Variants in ZBED4 observed in about 807,000 individuals in gnomAD.
ZBED4 encodes the protein zinc finger BED-type containing 4.
A neutral mutation model predicts 15.5 loss-of-function variants in ZBED4; 4 were observed. The observed-to-expected ratio is 0.26, with a 90% confidence interval of 0.13 to 0.59. The LOEUF (loss-of-function observed/expected upper bound fraction) is 0.59, where lower values mean the gene tolerates loss of function less well. ZBED4 is among the 20% of genes least tolerant of loss of function. ZBED4 has a pLI of 0.90. For missense variants in ZBED4, 1,323 were observed against 1,461.8 expected, an observed-to-expected ratio of 0.91 and a Z score of 1.55; for synonymous variants, 692 against 608.5, an observed-to-expected ratio of 1.14 and a Z score of -2.02.
rs771791921 is a variant in ZBED4 at position 49,886,615 on chromosome 22, C to T, written c.2953C>T (p.Leu985=). 2 of 1,577,226 alleles carry T rather than the reference C, an allele frequency of 1.3e-6. No individual in the cohort carries two copies. Among genetic ancestry groups the T allele is most frequent in the Non-Finnish European group, 1.7e-6 (2 of 1,162,402 alleles). ...TMGIDTMLRS[L]KEAMVSRLSA... The stretch of plus-strand genomic sequence containing the variant: ...GGGCATCGACACCATGCTGCGCTCT[C>T]TGAAGGAGGCCATGGTGAGCCGCCT... Residue 985 remains leucine (L), a synonymous_variant, in exon 2 of 2, where the codon CTG becomes TTG. Transcript: ENST00000216268. This position sits in a 1 kb window ranked among gnomAD's most constrained non-coding sequence, Gnocchi z 7.7.
chr22:49,868,953 A>G (rs1418311090), intron 1 of ZBED4, among the ~76,000 whole-genome samples: 1 of 61,984 alleles, frequency 1.6e-5, no homozygotes, highest in Non-Finnish European at 3.1e-5. Flanking sequence ...CTCTACTAAA[A>G]ATACAAAAAA....
intron 1 of ZBED4, among the ~76,000 whole-genome samples, chr22:49,881,303 C>G (rs974644552): frequency 6.6e-6 from 1 of 152,244 alleles, no homozygotes; most frequent in Non-Finnish European, 1.5e-5. Flanking sequence ...GAACTGAGAT[C>G]GTGCCGCTGC....
At chr22:49,879,961 T>C (rs914864837) in intron 1 of ZBED4, among the ~76,000 whole-genome samples, 1 of 149,918 alleles carries the variant, frequency 6.7e-6, no homozygotes, top group African/African-American at 2.4e-5. Flanking sequence ...GTTTTTCTCC[T>C]GGTCAGAGGT....
At chr22:49,867,357 G>A (rs1164040889) in intron 1 of ZBED4, among the ~76,000 whole-genome samples, 1 of 152,218 alleles carries the variant, frequency 6.6e-6, no homozygotes, top group African/African-American at 2.4e-5. Flanking sequence ...GAAGAAGCGT[G>A]TGCCAGGCGG....
chr22:49,878,842 A>T (rs1390649183), intron 1 of ZBED4, among the ~76,000 whole-genome samples: 1 of 151,774 alleles, frequency 6.6e-6, no homozygotes, highest in African/African-American at 2.4e-5. Context: ...TACTAAAAAT[A>T]AAAAAAATGA....
chr22:49,872,844 C>T (rs9616764), intron 1 of ZBED4, among the ~76,000 whole-genome samples: 6,172 of 151,926 alleles, frequency 0.041, 181 homozygotes, highest in Non-Finnish European at 0.062. Flanking sequence ...TAGCTGGGAC[C>T]GCAGGCACCT....
chr22:49,876,501 C>T lies in ZBED4; in HGVS notation c.-329-6833C>T, dbSNP rs937768137. On this transcript the variant is annotated intron_variant, in intron 1 of 1. Transcript: ENST00000216268. ...GAATGCGCTCTGGATGAATTGACCCCCTTATAATTTTGTGATGTTGTTTGT... is the reference window on the plus strand; with the variant it reads ...GAATGCGCTCTGGATGAATTGACCCTCTTATAATTTTGTGATGTTGTTTGT... Among the ~76,000 whole-genome samples, 24 of 152,124 alleles carry T rather than the reference C, an allele frequency of 1.6e-4. 2 individuals are homozygous for T. In the South Asian group the frequency reaches 1.7e-3, roughly 11 times the overall value.
chr22:49,873,410 G>C (rs2060358356), intron 1 of ZBED4, among the ~76,000 whole-genome samples: 1 of 152,212 alleles, frequency 6.6e-6, no homozygotes, highest in African/African-American at 2.4e-5. Context: ...ACATTTATCA[G>C]TTAAGTTCAC....
intron 1 of ZBED4, among the ~76,000 whole-genome samples, chr22:49,879,170 A>G (rs1451941599): frequency 2.7e-5 from 4 of 149,888 alleles, no homozygotes; most frequent in African/African-American, 4.9e-5. Flanking sequence ...ACAAAAAAAA[A>G]CAGGAGTGAA....
intron 1 of ZBED4, among the ~76,000 whole-genome samples, chr22:49,863,646 T>G (rs1427155368): frequency 6.7e-6 from 1 of 150,222 alleles, no homozygotes; most frequent in Non-Finnish European, 1.5e-5. Flanking sequence ...AAAAAAAGTG[T>G]GATGTTCTGG....
rs2060459917 is a variant in ZBED4 at position 49,889,984 on chromosome 22, A to T, written c.*2806A>T. On this transcript the variant is annotated 3_prime_UTR_variant, in exon 2 of 2. Coordinates refer to ENST00000216268, the MANE Select transcript of ZBED4 (RefSeq NM_014838.3). ...TCAGAACTGTCTCTTCAGTGAATGAAATTACCAGTCATTATACGAAGGGAC... is the reference window on the plus strand; with the variant it reads ...TCAGAACTGTCTCTTCAGTGAATGATATTACCAGTCATTATACGAAGGGAC... 1 of 167,100 alleles carries T rather than the reference A, an allele frequency of 6.0e-6. No homozygotes were observed. Among genetic ancestry groups the T allele is most frequent in the Admixed American group, 6.5e-5 (1 of 15,276 alleles). 10.4% of individuals were successfully genotyped at this position (167,100 alleles called of 1,614,324 possible).
intron 1 of ZBED4, among the ~76,000 whole-genome samples, chr22:49,881,803 G>A (rs1295093059): frequency 1.3e-5 from 2 of 152,128 alleles, no homozygotes; most frequent in Non-Finnish European, 2.9e-5. Flanking sequence ...AAGTACTAGG[G>A]TTACAGGCAT....
rs766467714 is a variant in ZBED4 at position 49,885,935 on chromosome 22, G to A, written c.2273G>A (p.Arg758Gln). 1.2e-5 allele frequency: 10 copies of A among 812,256 alleles called. No individual in the cohort carries two copies. Among genetic ancestry groups the A allele is most frequent in the Admixed American group, 2.1e-5 (1 of 48,590 alleles). The allele number at this position is 812,256 out of a possible 1,614,324, so 50.3% of individuals were successfully genotyped here. A position where few individuals can be genotyped will look rare whatever the true frequency, so the allele number is the denominator to read the frequency against. The change falls in exon 2 of 2, where the codon CGG becomes CAG. Residue 758 changes from arginine (R) to glutamine (Q), a missense_variant. Around this residue, in one of 6 missense-constraint regions of ZBED4, gnomAD observed 100 missense variants for 79.3 expected, o/e 1.26. Transcript: ENST00000216268. ...TGGGTTTCCTTCGAGTCGCCAGCCC[G>A]GCCGCGCTGTGACGACCACCACTGC... ...AHWVSFESPA[R>Q]PRCDDHHCSA...
chr22:49,872,174 G>A (rs973418315), intron 1 of ZBED4, among the ~76,000 whole-genome samples: 1 of 152,160 alleles, frequency 6.6e-6, no homozygotes, highest in African/African-American at 2.4e-5. Flanking sequence ...CTCAAACCCT[G>A]CTGTTGTTTT....
chr22:49,884,790 A>G lies in ZBED4; in HGVS notation c.1128A>G (p.Pro376=), dbSNP rs910798. 1,449,681 of 1,607,980 alleles carry G rather than the reference A, an allele frequency of 0.9. 654,009 individuals carry two copies. The highest frequency in any genetic ancestry group is 0.98 in the African/African-American group (73,496 of 74,938). Residue 376 remains proline, a synonymous_variant, in exon 2 of 2, where the codon CCA becomes CCG. Coordinates refer to ENST00000216268, the MANE Select transcript of ZBED4 (RefSeq NM_014838.3). ...AGCTCAGCTCTGTGTCCTCGTCTCC[A>G]GTAAAGCCGGTCAGAGAGTCCCCTT... ...EGELSSVSSS[P]VKPVRESPSA... is the part of the protein sequence containing the mutation.
At chr22:49,856,386 T>A (rs1010564924) in intron 1 of ZBED4, among the ~76,000 whole-genome samples, 1 of 152,104 alleles carries the variant, frequency 6.6e-6, no homozygotes, top group African/African-American at 2.4e-5. Flanking sequence ...AGAGCAGGGG[T>A]AATCCCAGTT....
intron 1 of ZBED4, among the ~76,000 whole-genome samples, chr22:49,870,943 A>ATT (rs61472662): frequency 0.072 from 9,959 of 138,040 alleles, 1,029 homozygotes; most frequent in African/African-American, 0.22. Flanking sequence ...TAAAAGATAG[A>ATT]TTTTTTTTTT....
In ZBED4 at chr22:49,884,822, C is replaced by T; in HGVS notation, c.1160C>T (p.Ser387Phe). ...VKPVRESPSASSSPDRLTEDL... is the reference protein window; with the variant it reads ...VKPVRESPSAFSSPDRLTEDL... The stretch of plus-strand genomic sequence containing the variant: ...CCGGTCAGAGAGTCCCCTTCGGCCT[C>T]CTCCTCCCCTGACAGGCTGACTGAG... The change falls in exon 2 of 2, where the codon TCC becomes TTC. Residue 387 changes from serine (S) to phenylalanine (F), a missense_variant. This residue lies in a region of ZBED4 where 429 missense variants were observed against 397.9 expected (regional missense o/e 1.08). Transcript: ENST00000216268. 1 of 1,610,740 alleles carries T rather than the reference C, an allele frequency of 6.2e-7. No homozygotes were observed. Among genetic ancestry groups the T allele is most frequent in the African/African-American group, 1.3e-5 (1 of 75,016 alleles).
At chr22:49,879,533 T>A (rs184322873) in intron 1 of ZBED4, among the ~76,000 whole-genome samples, 16,999 of 150,850 alleles carry the variant, frequency 0.11, 1,350 homozygotes, top group African/African-American at 0.21. Context: ...TCCACTAATT[T>A]TATTATTTGT....
Sources: allele counts gnomAD v4.1 joint callset (sites outside exome capture counted in the v4.1 genomes callset), GRCh38; gene constraint gnomAD v4.1.1; regional missense constraint gnomAD v4.1.1; non-coding constraint Gnocchi (gnomAD v3.1); transcripts MANE v1.5; gene names NCBI Gene and HGNC (gene_info 2026-07-23, HGNC 2026-07-21).